The following MEGF8 variants were observed in gnomAD, a reference collection of about 807,000 sequenced individuals.
The protein encoded by MEGF8 is multiple EGF like domains 8, also known as multiple epidermal growth factor-like domains protein 8.
MEGF8 carries 156 observed loss-of-function variants against 302.9 expected under a neutral mutation model. The ratio of observed to expected loss-of-function variants is 0.52; its 90% CI spans 0.45 to 0.59. MEGF8 has a LOEUF of 0.59. Ranked by LOEUF, MEGF8 falls within the 20% of genes least tolerant of loss-of-function variation. The pLI is 0.00. For missense variants in MEGF8, 3,345 were observed against 3,964.5 expected (o/e 0.84, Z 4.20); for synonymous variants, 1,621 against 1,660.5 (o/e 0.98, Z 0.58).
Position 42,353,628 on chromosome 19 carries a change from G to C in MEGF8, c.3714G>C (p.Glu1238Asp), listed in dbSNP as rs1473535926. 3.2e-6 allele frequency: 5 copies of C among 1,582,908 alleles called. No individual in the cohort carries two copies. The highest frequency in any genetic ancestry group is 4.3e-6 in the Non-Finnish European group (5 of 1,162,734). ...SGLCFCQDHT[E>D]GAHCQLCSPG... ...TCTGCTTCTGCCAGGACCACACCGA[G>C]GGTGCCCACTGCCAGCTCTGCTCCC... Residue 1238 changes from glutamate (E) to aspartate (D), a missense_variant, in exon 21 of 42, where the codon GAG becomes GAC. By Grantham distance (45) the Glu-to-Asp change is conservative (BLOSUM62 2). Transcript: ENST00000251268. This position sits in a 1 kb window ranked among gnomAD's most constrained non-coding sequence, Gnocchi z 6.1.
chr19:42,338,983 A>G (rs1403386093), intron 8 of MEGF8, among the ~76,000 whole-genome samples: 1 of 150,438 alleles, frequency 6.6e-6, no homozygotes, highest in Admixed American at 6.6e-5. Flanking sequence ...ACAGGCGCCT[A>G]CCACCACAGC....
At chr19:42,346,638 C>T (rs555680490) in intron 12 of MEGF8, among the ~76,000 whole-genome samples, 3 of 151,656 alleles carry the variant, frequency 2.0e-5, no homozygotes, top group African/African-American at 7.3e-5. Flanking sequence ...GATCACGCCA[C>T]TGCATTGCAG....
chr19:42,365,406 G>A (rs1376446455), intron 35 of MEGF8, among the ~76,000 whole-genome samples: 1 of 152,004 alleles, frequency 6.6e-6, no homozygotes, highest in Non-Finnish European at 1.5e-5. Flanking sequence ...GATGAGCATT[G>A]TTGATGGTGT....
At chr19:42,333,927 G>C (rs2039087908) in intron 2 of MEGF8, 80 bp from the exon 3 acceptor site, 1 of 1,524,138 alleles carries the variant, frequency 6.6e-7, no homozygotes, top group Non-Finnish European at 8.9e-7. Flanking sequence ...CCCCAGGGTG[G>C]AAGGGGGCAG....
At chr19:42,329,951 T>C (rs1168065721) in intron 1 of MEGF8, among the ~76,000 whole-genome samples, 1 of 151,906 alleles carries the variant, frequency 6.6e-6, no homozygotes, top group African/African-American at 2.4e-5. Flanking sequence ...GTCCTAGACT[T>C]TTTTTTTCCG....
chr19:42,370,778 G>A lies in MEGF8; in HGVS notation c.7083G>A (p.Glu2361=), dbSNP rs775356941. ...ACTGCCAGAATAACAGCTATGGGGA[G>A]AAATGCGAGAGCTGCCTGCAGGGCT... ...CVNCQNNSYG[E]KCESCLQGYF... is the part of the protein sequence containing the mutation. The change falls in exon 40 of 42, where the codon GAG becomes GAA. Residue 2361 remains glutamate, a synonymous_variant. Coordinates refer to ENST00000251268, the MANE Select transcript of MEGF8 (RefSeq NM_001271938.2). 1 of 1,546,778 alleles carries A rather than the reference G, an allele frequency of 6.5e-7. No individual in the cohort carries two copies. Among genetic ancestry groups the A allele is most frequent in the South Asian group, 1.2e-5 (1 of 84,508 alleles).
In MEGF8 at chr19:42,348,527, G is replaced by T. The variant is rs1375877899; in HGVS notation, c.2298+55G>T. The T allele has an allele frequency of 7.0e-6, 10 of 1,431,854 alleles. No individual in the cohort carries two copies. In the African/African-American group the frequency reaches 9.9e-5, roughly 14 times the overall value. 88.7% of individuals were successfully genotyped at this position (1,431,854 alleles called of 1,614,324 possible). Reference sequence around the variant, plus strand: ...GTTTATGGTAAATAGGGAGTTAGGGGTGTGGTATAGAGCATCTGTGGTGAT... The same window carrying T: ...GTTTATGGTAAATAGGGAGTTAGGGTTGTGGTATAGAGCATCTGTGGTGAT... On this transcript the variant is annotated intron_variant, in intron 13 of 41. Coordinates refer to ENST00000251268, the MANE Select transcript of MEGF8 (RefSeq NM_001271938.2).
Position 42,348,469 on chromosome 19 carries a change from C to T in MEGF8, c.2295C>T (p.Asn765=), listed in dbSNP as rs536779029. The change falls in exon 13 of 42, where the codon AAC becomes AAT. Residue 765 remains asparagine, a synonymous_variant. Coordinates refer to ENST00000251268, the MANE Select transcript of MEGF8 (RefSeq NM_001271938.2). ...TGGCCCGTGGCCCTGACACGGAGAA[C>T]ATGGTGAGGCCGCCTGGGACATTCA... ...ARMARGPDTE[N]MEEVGRWVAH... 1.6e-5 allele frequency: 24 copies of T among 1,515,872 alleles called. 1 individual carries two copies. In the South Asian group the frequency reaches 2.2e-4, roughly 14 times the overall value. 93.9% of individuals were successfully genotyped at this position (1,515,872 alleles called of 1,614,324 possible). A position where few individuals can be genotyped will look rare whatever the true frequency, so the allele number is the denominator to read the frequency against.
rs2039557361 is a variant in MEGF8 at position 42,363,113 on chromosome 19, C to T, written c.6124C>T (p.Leu2042=). ...CTGGACGTGCTTCAGCCACTCTCTG[C>T]TGAATGTGTCCCCCATGCCGGTGGA... ...YDWTCFSHSL[L]NVSPMPVESS... Residue 2042 remains leucine, a synonymous_variant, in exon 35 of 42, where the codon CTG becomes TTG. Coordinates refer to ENST00000251268, the MANE Select transcript of MEGF8 (RefSeq NM_001271938.2). The T allele has an allele frequency of 2.5e-6, 4 of 1,613,266 alleles. No homozygotes were observed. The highest frequency in any genetic ancestry group is 3.3e-5 in the Admixed American group (2 of 59,892).
At position 42,376,125 on chromosome 19, in the gene MEGF8, T is replaced by C. The variant is rs1216385147; in HGVS notation, c.7888T>C (p.Ser2630Pro). Residue 2630 changes from serine to proline, a missense_variant, in exon 42 of 42, where the codon TCA becomes CCA. Transcript: ENST00000251268. The surrounding 1 kb of genome is among the most constrained non-coding windows in gnomAD (Gnocchi z 8.2). ...CCCAAGTGGGCCCGGCGCCAACGGCTCAGCCGACTCGCAGGGCCTGCTCTT... is the reference window on the plus strand; with the variant it reads ...CCCAAGTGGGCCCGGCGCCAACGGCCCAGCCGACTCGCAGGGCCTGCTCTT... The part of the protein sequence containing the change: ...GDPSGPGANG[S>P]ADSQGLLFFR... 10 of 1,607,974 alleles carry C rather than the reference T, an allele frequency of 6.2e-6. No homozygotes were observed. Among genetic ancestry groups the C allele is most frequent in the Non-Finnish European group, 7.6e-6 (9 of 1,179,794 alleles).
Position 42,375,616 on chromosome 19 carries a change from A to C in MEGF8, c.7379A>C (p.Asn2460Thr). 6.2e-7 allele frequency: 1 copy of C among 1,606,934 alleles called. No homozygotes were observed. Among genetic ancestry groups the C allele is most frequent in the South Asian group, 1.1e-5 (1 of 89,440 alleles). The change falls in exon 42 of 42, where the codon AAC (asparagine) becomes ACC (threonine). Residue 2460 changes from asparagine to threonine, a missense_variant. Transcript: ENST00000251268. The surrounding 1 kb of genome is among the most constrained non-coding windows in gnomAD (Gnocchi z 7.1). ...TGCCTGGACCCCACGTCCCAGACCAACTGCTTCCATGAGCCCAAACGCCGG... is the reference window on the plus strand; with the variant it reads ...TGCCTGGACCCCACGTCCCAGACCACCTGCTTCCATGAGCCCAAACGCCGG... ...ECCLDPTSQT[N>T]CFHEPKRRAL...
In MEGF8 at chr19:42,356,998, A is replaced by G; in HGVS notation, c.4830+17A>G. 1.3e-6 allele frequency: 2 copies of G among 1,566,206 alleles called. No homozygotes were observed. The highest frequency in any genetic ancestry group is 1.2e-5 in the South Asian group (1 of 84,668). ...CAGGAGAAGGTGAGCATCTCTCCCC[A>G]GCCCACTCCCCAGCCCTCACACTGG... is the stretch of plus-strand genomic sequence containing the variant. On this transcript the variant is annotated intron_variant, in intron 27 of 41. Coordinates refer to ENST00000251268, the MANE Select transcript of MEGF8 (RefSeq NM_001271938.2). The surrounding 1 kb of genome is among the most constrained non-coding windows in gnomAD (Gnocchi z 5.2).
chr19:42,350,214 G>T lies in MEGF8; in HGVS notation c.2566G>T (p.Gly856Cys), dbSNP rs1479618243. ...CTGCACCTCCTATTCTTCCTGCCTG[G>T]GCTGCTTGGCAGACCAGGGCTGTGG... The part of the protein sequence containing the change: ...SSCTSYSSCL[G>C]CLADQGCGWC... The change falls in exon 15 of 42, where the codon GGC becomes TGC. Residue 856 changes from glycine (G) to cysteine (C), a missense_variant. By Grantham distance (159) the Gly-to-Cys change is radical. Transcript: ENST00000251268. The T allele has an allele frequency of 6.2e-7, 1 of 1,613,440 alleles. No individual in the cohort carries two copies. Among genetic ancestry groups the T allele is most frequent in the Non-Finnish European group, 8.5e-7 (1 of 1,179,878 alleles).
intron 8 of MEGF8, among the ~76,000 whole-genome samples, chr19:42,341,377 C>T (rs1325730397): frequency 7.3e-6 from 1 of 137,232 alleles, no homozygotes; most frequent in East Asian, 2.2e-4. Flanking sequence ...TGCAGTGAGC[C>T]AAGATCGTGC....
chr19:42,362,579 C>A lies in MEGF8; in HGVS notation c.6040C>A (p.Arg2014=). The A allele has an allele frequency of 1.9e-6, 3 of 1,612,576 alleles. No homozygotes were observed. Among genetic ancestry groups the A allele is most frequent in the Non-Finnish European group, 2.5e-6 (3 of 1,179,860 alleles). Residue 2014 remains arginine, a synonymous_variant, in exon 34 of 42, where the codon CGG becomes AGG. Coordinates refer to ENST00000251268, the MANE Select transcript of MEGF8 (RefSeq NM_001271938.2). ...CTREGKCMWT[R]QFKRTGETRR... ...GCGGGAGGGCAAGTGCATGTGGACGCGGCAGTTCAAGAGGACAGGTGAGCA... is the reference window on the plus strand; with the variant it reads ...GCGGGAGGGCAAGTGCATGTGGACGAGGCAGTTCAAGAGGACAGGTGAGCA...
chr19:42,336,960 G>A lies in MEGF8; in HGVS notation c.1390+8G>A, dbSNP rs1347713907. 1.1e-5 allele frequency: 18 copies of A among 1,613,830 alleles called. No homozygotes were observed. The highest frequency in any genetic ancestry group is 1.5e-5 in the Non-Finnish European group (18 of 1,179,836). On this transcript the variant is annotated splice_region_variant and intron_variant, in intron 7 of 41. Transcript: ENST00000251268. This position sits in a 1 kb window ranked among gnomAD's most constrained non-coding sequence, Gnocchi z 4.8. ...ATTACATGGTGGTCTATGGTGAGGAGGCTCCCCAATCCTGCCTGCCTGCCT... is the reference window on the plus strand; with the variant it reads ...ATTACATGGTGGTCTATGGTGAGGAAGCTCCCCAATCCTGCCTGCCTGCCT...
chr19:42,329,906 C>T lies in MEGF8; in HGVS notation c.187+3476C>T, dbSNP rs183752605. Among the ~76,000 whole-genome samples the T allele has an allele frequency of 5.9e-3, 890 of 151,990 alleles. 9 individuals are homozygous for T. Among genetic ancestry groups the T allele is most frequent in the African/African-American group, 0.02 (831 of 41,480 alleles). ...AAAAAAAAAAAGATAAACAACCAAC[C>T]TACTAACTTTTGTATTATGTTCATA... On this transcript the variant is annotated intron_variant, in intron 1 of 41. Coordinates refer to ENST00000251268, the MANE Select transcript of MEGF8 (RefSeq NM_001271938.2).
chr19:42,362,216 G>A lies in MEGF8; in HGVS notation c.5844+3G>A, dbSNP rs1305940314. The A allele has an allele frequency of 6.2e-7, 1 of 1,610,546 alleles. No homozygotes were observed. The highest frequency in any genetic ancestry group is 8.5e-7 in the Non-Finnish European group (1 of 1,179,244). On this transcript the variant is annotated splice_donor_region_variant and intron_variant, in intron 33 of 41. Transcript: ENST00000251268. ...CCCTGCAACCTGGAGATGGAGAGGT[G>A]AGTGGTGGGGAAGGCAGGGATGAGA...
rs761409672 is a variant in MEGF8, at chr19:42,363,275, G to T, written c.6273+13G>T. On this transcript the variant is annotated intron_variant, in intron 35 of 41. Transcript: ENST00000251268. Reference sequence around the variant, plus strand: ...CAGCCTGCAGCAGGTACTGCACCTGGCCAGGACCGTGCCAGGCAAGGGCCC... The same window carrying T: ...CAGCCTGCAGCAGGTACTGCACCTGTCCAGGACCGTGCCAGGCAAGGGCCC... 1.9e-6 allele frequency: 3 copies of T among 1,575,136 alleles called. No individual in the cohort carries two copies. The South Asian group carries it at 3.5e-5, about 18-fold the overall frequency.
Sources: gnomAD v4.1 joint callset for allele counts (sites outside exome capture counted in the v4.1 genomes callset) on GRCh38, gnomAD v4.1.1 for gene constraint, Gnocchi (gnomAD v3.1) non-coding constraint, MANE v1.5 for transcripts, NCBI Gene and HGNC (gene_info 2026-07-23, HGNC 2026-07-21) for gene names.